RBMS2: variants seen among roughly 807,000 people sequenced by gnomAD.
The protein encoded by RBMS2 is RNA-binding motif, single-stranded-interacting protein 2.
Under a neutral mutation model 58.4 loss-of-function variants are expected in RBMS2, and 38 were observed. The observed-to-expected ratio is 0.65, with a 90% CI of 0.50 to 0.85. The LOEUF (loss-of-function observed/expected upper bound fraction) is 0.85. Ranked by LOEUF, RBMS2 falls within the 40% of genes least tolerant of loss-of-function variation. The pLI, the probability that RBMS2 is intolerant of heterozygous loss-of-function variation, is 0.00. For synonymous variants in RBMS2, 151 were observed against 180.7 expected (o/e 0.84, Z 1.32); for missense variants, 367 against 503.7 (o/e 0.73, Z 2.60).
intron 1 of RBMS2, among the ~76,000 whole-genome samples, chr12:56,559,903 T>TTG (rs922317385): frequency 6.7e-6 from 1 of 149,198 alleles, no homozygotes; most frequent in African/African-American, 2.5e-5. Flanking sequence ...TTCTTTTTTT[T>TTG]TTTTTTTTTG....
At chr12:56,549,180 A>G (rs1877786656) in intron 1 of RBMS2, among the ~76,000 whole-genome samples, 1 of 151,950 alleles carries the variant, frequency 6.6e-6, no homozygotes, top group Non-Finnish European at 1.5e-5. Context: ...TTTTTAGTAG[A>G]GACGGGGTTT....
intron 1 of RBMS2, chr12:56,539,895 G>T: frequency 1.3e-5 from 3 of 235,726 alleles, no homozygotes; most frequent in South Asian, 4.2e-5. Context: ...CAGCTTCACT[G>T]GCCTTCTATT....
rs549257404 is a variant in RBMS2 at position 56,594,234 on chromosome 12, A to G, written c.*5101A>G. ...GAATGTCCTAGGAATCCCTAGTAGCAGTGGCTATTAGTCTTCTAGAAAAGA... is the reference window on the plus strand; with the variant it reads ...GAATGTCCTAGGAATCCCTAGTAGCGGTGGCTATTAGTCTTCTAGAAAAGA... On this transcript the variant is annotated 3_prime_UTR_variant, in exon 14 of 14. Coordinates refer to ENST00000262031, the MANE Select transcript of RBMS2 (RefSeq NM_002898.4). 2 of 152,244 alleles carry G rather than the reference A, an allele frequency of 1.3e-5. No individual in the cohort carries two copies. Among genetic ancestry groups the G allele is most frequent in the Non-Finnish European group, 2.9e-5 (2 of 68,040 alleles). 9.4% of individuals were successfully genotyped at this position (152,244 alleles called of 1,614,324 possible).
chr12:56,541,013 A>G lies in RBMS2; in HGVS notation c.66+18924A>G, dbSNP rs146715533. On this transcript the variant is annotated intron_variant, in intron 1 of 13. Coordinates refer to ENST00000262031, the MANE Select transcript of RBMS2 (RefSeq NM_002898.4). ...CTACTCGGGAGGCTGAGGTGGGAAG[A>G]TTACTTGAGCCCAGGAATTTGGGGC... 3.6e-3 allele frequency among the ~76,000 whole-genome samples: 539 copies of G among 151,430 alleles called. 2 individuals are homozygous for G. Among genetic ancestry groups the G allele is most frequent in the African/African-American group, 0.012 (493 of 41,276 alleles).
At chr12:56,527,628 CAAACAA>C (rs1346778822) in intron 1 of RBMS2, among the ~76,000 whole-genome samples, 2 of 151,550 alleles carry the variant, frequency 1.3e-5, no homozygotes, top group African/African-American at 4.8e-5. Flanking sequence ...AAAACAAAAA[CAAACAA>C]AAACAAAAAC....
intron 1 of RBMS2, among the ~76,000 whole-genome samples, chr12:56,530,646 T>C (rs1227890713): frequency 6.6e-6 from 1 of 152,090 alleles, no homozygotes; most frequent in Non-Finnish European, 1.5e-5. Flanking sequence ...AGGCATGAGA[T>C]ACTGCACCTG....
intron 1 of RBMS2, among the ~76,000 whole-genome samples, chr12:56,547,757 T>C (rs1877518315): frequency 6.6e-6 from 1 of 151,476 alleles, no homozygotes; most frequent in Non-Finnish European, 1.5e-5. Context: ...CAAGCGATTC[T>C]CCTGCCTCAG....
intron 1 of RBMS2, among the ~76,000 whole-genome samples, chr12:56,523,403 T>C (rs1274908994): frequency 5.9e-5 from 9 of 152,216 alleles, no homozygotes. Flanking sequence ...ATTAATTTAC[T>C]TCACTATAGT....
chr12:56,573,418 A>G (rs908671312), intron 5 of RBMS2, among the ~76,000 whole-genome samples: 2 of 141,352 alleles, frequency 1.4e-5, no homozygotes, highest in Non-Finnish European at 3.0e-5. Context: ...CGGAGGTTGC[A>G]GTAAGCCGAG....
At chr12:56,561,543 A>G (rs968668620) in intron 1 of RBMS2, among the ~76,000 whole-genome samples, 5 of 151,836 alleles carry the variant, frequency 3.3e-5, no homozygotes, top group Non-Finnish European at 5.9e-5. Context: ...GTCTCGCCCT[A>G]TCACCCAGGC....
chr12:56,555,252 A>G (rs1879024284), intron 1 of RBMS2, among the ~76,000 whole-genome samples: 1 of 151,460 alleles, frequency 6.6e-6, no homozygotes, highest in Non-Finnish European at 1.5e-5. Context: ...TGAGACTGAG[A>G]TCTTTCAGAC....
chr12:56,581,991 C>T (rs1032935544), intron 8 of RBMS2, 68 bp from the exon 9 acceptor site: 1 of 1,565,836 alleles, frequency 6.4e-7, no homozygotes, highest in Non-Finnish European at 8.8e-7. Context: ...GTTGGCTGTG[C>T]CTATCAGTTG....
intron 1 of RBMS2, among the ~76,000 whole-genome samples, chr12:56,541,144 T>C (rs2694909): frequency 0.6 from 90,127 of 151,092 alleles, 27,552 homozygotes; most frequent in East Asian, 0.71. Context: ...TCTGCGACTT[T>C]TGAGCCAGTG....
Position 56,586,842 on chromosome 12 carries a change from G to A in RBMS2, c.874-7G>A. On this transcript the variant is annotated splice_region_variant and splice_polypyrimidine_tract_variant and intron_variant, in intron 9 of 13. Coordinates refer to ENST00000262031, the MANE Select transcript of RBMS2 (RefSeq NM_002898.4). ...GCAATTAACATTTTTGTTTTTGCTT[G>A]TTTTAGAGAGTGACTCAGACATCTC... 1.2e-6 allele frequency: 2 copies of A among 1,611,124 alleles called. No individual in the cohort carries two copies. The highest frequency in any genetic ancestry group is 2.2e-5 in the East Asian group (1 of 44,844).
upstream of RBMS2, among the ~76,000 whole-genome samples, chr12:56,521,507 T>C (rs1392778954): frequency 7.0e-6 from 1 of 143,720 alleles, no homozygotes; most frequent in East Asian, 2.0e-4. Context: ...ACTCTGTTTT[T>C]TTTTTTTTTT....
At position 56,593,674 on chromosome 12, in the gene RBMS2, G is replaced by C. The variant is rs1009605506; in HGVS notation, c.*4541G>C. ...CAGTTCTCCTGCCTCAGCCTCCTGAGTAGCTGGGATTACAGGTGCCTGCCA... is the reference window on the plus strand; with the variant it reads ...CAGTTCTCCTGCCTCAGCCTCCTGACTAGCTGGGATTACAGGTGCCTGCCA... On this transcript the variant is annotated 3_prime_UTR_variant, in exon 14 of 14. Coordinates refer to ENST00000262031, the MANE Select transcript of RBMS2 (RefSeq NM_002898.4). The C allele has an allele frequency of 4.6e-5, 7 of 152,300 alleles. No individual in the cohort carries two copies. Among genetic ancestry groups the C allele is most frequent in the Admixed American group, 1.3e-4 (2 of 15,268 alleles). The allele number at this position is 152,300 out of a possible 1,614,324, so 9.4% of individuals were successfully genotyped here. A position where few individuals can be genotyped will look rare whatever the true frequency, so the allele number is the denominator to read the frequency against.
intron 1 of RBMS2, among the ~76,000 whole-genome samples, chr12:56,527,364 C>G (rs1872845654): frequency 6.6e-6 from 1 of 152,156 alleles, no homozygotes; most frequent in African/African-American, 2.4e-5. Flanking sequence ...GTAATCCCAG[C>G]ACTTTGGGAG....
intron 8 of RBMS2, 42 bp downstream of exon 8, chr12:56,581,921 C>A (rs368760758): frequency 5.2e-5 from 84 of 1,600,988 alleles, no homozygotes; most frequent in Non-Finnish European, 6.9e-5. Flanking sequence ...ATGATAATGG[C>A]CTGTGTCCAG....
chr12:56,523,430 A>G (rs923952052), intron 1 of RBMS2, among the ~76,000 whole-genome samples: 15 of 152,224 alleles, frequency 9.9e-5, no homozygotes, highest in African/African-American at 3.4e-4. Flanking sequence ...TCTACTATCT[A>G]TATGTATCCC....
Sources: gnomAD v4.1 joint callset for allele counts (sites outside exome capture counted in the v4.1 genomes callset) on GRCh38, gnomAD v4.1.1 for gene constraint, MANE v1.5 for transcripts, NCBI Gene and HGNC (gene_info 2026-07-23, HGNC 2026-07-21) for gene names.